Variants in EYS observed in about 807,000 individuals in gnomAD.
EYS encodes the protein EGF-like photoreceptor maintenance factor, also known as protein eyes shut homolog.
In EYS, 250 loss-of-function variants were observed where a neutral mutation model predicts 282.1. The ratio of observed to expected loss-of-function variants is 0.89; its 90% CI spans 0.80 to 0.98. The LOEUF is 0.98. Ranked by LOEUF, EYS falls within the 50% of genes least tolerant of loss-of-function variation. The pLI is 0.00. For synonymous variants in EYS, 1,355 were observed against 1,282.9 expected (o/e 1.06, Z -1.20); for missense variants, 4,016 against 3,709.0 (o/e 1.08, Z -2.15).
intron 22 of EYS, among the ~76,000 whole-genome samples, chr6:64,680,218 T>C (rs1390760326): frequency 1.3e-5 from 2 of 152,184 alleles, no homozygotes; most frequent in Non-Finnish European, 2.9e-5. Flanking sequence ...GGGAACAGAC[T>C]GCCTTAGTAG....
At chr6:64,853,402 T>G (rs1765948721) in intron 19 of EYS, among the ~76,000 whole-genome samples, 1 of 152,136 alleles carries the variant, frequency 6.6e-6, no homozygotes, top group Non-Finnish European at 1.5e-5. Context: ...GGGCTTTCTT[T>G]TTCCATGCAG....
intron 22 of EYS, among the ~76,000 whole-genome samples, chr6:64,654,329 A>G (rs1396600016): frequency 6.6e-6 from 1 of 152,196 alleles, no homozygotes; most frequent in Non-Finnish European, 1.5e-5. Context: ...TCATTCAATA[A>G]TCATTTAAGG....
intron 8 of EYS, among the ~76,000 whole-genome samples, chr6:65,357,018 T>C (rs1216685901): frequency 6.6e-6 from 1 of 151,986 alleles, no homozygotes. Flanking sequence ...ACTTTTTGCA[T>C]AAAACATTTA....
At chr6:63,880,483 GTCTGTATCTATCTATCTATC>G (rs1219021323) in intron 35 of EYS, among the ~76,000 whole-genome samples, 1 of 120,302 alleles carries the variant, frequency 8.3e-6, no homozygotes, top group Admixed American at 8.1e-5. Context: ...CTGTCTGTCT[GTCTGTATCTATCTATCTATC>G]TATCTATCTA....
At chr6:64,620,816 A>G (rs1767422913) in intron 23 of EYS, among the ~76,000 whole-genome samples, 1 of 152,214 alleles carries the variant, frequency 6.6e-6, no homozygotes, top group African/African-American at 2.4e-5. Context: ...TGGTAACTGA[A>G]AACAAAAACC....
chr6:64,436,354 A>G (rs1005702116), intron 27 of EYS, 89 bp from the exon 28 acceptor site: 8 of 685,454 alleles, frequency 1.2e-5, no homozygotes, highest in Non-Finnish European at 1.5e-5. Context: ...ATTTATCAAT[A>G]TATTTTACAT....
intron 31 of EYS, among the ~76,000 whole-genome samples, chr6:64,192,770 A>T (rs573581155): frequency 9.2e-5 from 14 of 152,224 alleles, no homozygotes; most frequent in Non-Finnish European, 1.6e-4. Context: ...TCATTTTTTA[A>T]GTCAGACCCA....
intron 9 of EYS, among the ~76,000 whole-genome samples, chr6:65,351,900 A>T (rs941680674): frequency 4.0e-5 from 6 of 151,834 alleles, no homozygotes; most frequent in African/African-American, 1.4e-4. Flanking sequence ...TCAGGGTTTA[A>T]AAACAACTGA....
chr6:64,630,906 C>CAG (rs1767756739), intron 22 of EYS, among the ~76,000 whole-genome samples: 2 of 152,120 alleles, frequency 1.3e-5, no homozygotes, highest in African/African-American at 4.8e-5. Flanking sequence ...GGAAATTGTG[C>CAG]TACTTATATT....
At position 64,693,707 on chromosome 6, in the gene EYS, T is replaced by A. The variant is rs987890007; in HGVS notation, c.3444-67462A>T. On this transcript the variant is annotated intron_variant, in intron 22 of 42. Coordinates refer to ENST00000503581, the MANE Select transcript of EYS (RefSeq NM_001142800.2). Reference sequence around the variant, plus strand: ...TAAAAATGCCTTCATGTCTTGAGGGTTGGGAACGTTCTTAGGTCACAAATA... The same window carrying A: ...TAAAAATGCCTTCATGTCTTGAGGGATGGGAACGTTCTTAGGTCACAAATA... Among the ~76,000 whole-genome samples the A allele has an allele frequency of 3.9e-5, 6 of 152,058 alleles. No homozygotes were observed. The East Asian group carries it at 1.2e-3, about 29-fold the overall frequency.
chr6:63,789,528 T>C (rs2149671119), intron 37 of EYS, among the ~76,000 whole-genome samples: 1 of 152,300 alleles, frequency 6.6e-6, no homozygotes, highest in East Asian at 1.9e-4. Context: ...AAATTCAGTG[T>C]GCACTTTACA....
intron 8 of EYS, among the ~76,000 whole-genome samples, chr6:65,360,763 T>C (rs7741249): frequency 0.67 from 102,436 of 152,008 alleles, 34,624 homozygotes; most frequent in South Asian, 0.71. Context: ...CACAGTCTAA[T>C]GTGTGTTTAC....
Position 65,432,789 on chromosome 6 carries a change from CACTG to C in EYS, c.863-27426_863-27423del, listed in dbSNP as rs1767934196. On this transcript the variant is annotated intron_variant, in intron 5 of 42. Coordinates refer to ENST00000503581, the MANE Select transcript of EYS (RefSeq NM_001142800.2). ...GTTGGAGGTAAAAGGCAGAAGCTGA[CACTG>C]ACATGGCAGCAATGAAATGGGTGAG... Among the ~76,000 whole-genome samples, 4 of 152,160 alleles carry C rather than the reference CACTG, an allele frequency of 2.6e-5. No individual in the cohort carries two copies. The South Asian group carries it at 8.3e-4, about 32-fold the overall frequency.
At chr6:63,728,609 A>G (rs1768701550) in intron 41 of EYS, among the ~76,000 whole-genome samples, 1 of 152,144 alleles carries the variant, frequency 6.6e-6, no homozygotes, top group Non-Finnish European at 1.5e-5. Context: ...TTTACATAGG[A>G]TTCACTCTTC....
At chr6:64,146,775 G>C (rs778326975) in intron 31 of EYS, among the ~76,000 whole-genome samples, 1 of 152,160 alleles carries the variant, frequency 6.6e-6, no homozygotes, top group Non-Finnish European at 1.5e-5. Context: ...GAGAAAAGTA[G>C]AGAAACATCT....
In EYS at chr6:65,631,637, T is replaced by C. The variant is rs1766916119; in HGVS notation, c.-333+8141A>G. Among the ~76,000 whole-genome samples, 3 of 152,212 alleles carry C rather than the reference T, an allele frequency of 2.0e-5. No homozygotes were observed. In the South Asian group the frequency reaches 6.2e-4, roughly 31 times the overall value. ...ACTCTGATTTACTATAAAAGACTTG[T>C]AATTGATTTTTCTCTTTCATGTTCA... On this transcript the variant is annotated intron_variant, in intron 2 of 42. Coordinates refer to ENST00000503581, the MANE Select transcript of EYS (RefSeq NM_001142800.2).
At chr6:65,123,802 A>C (rs150052142) in intron 12 of EYS, among the ~76,000 whole-genome samples, 1 of 151,156 alleles carries the variant, frequency 6.6e-6, no homozygotes, top group Non-Finnish European at 1.5e-5. Context: ...TTAGTCTCCC[A>C]AAGAGAAAAG....
chr6:63,933,931 C>A (rs1764973211), intron 35 of EYS, among the ~76,000 whole-genome samples: 1 of 152,134 alleles, frequency 6.6e-6, no homozygotes, highest in South Asian at 2.1e-4. Flanking sequence ...AGAGCTTCTG[C>A]ACACCAAAAG....
intron 15 of EYS, among the ~76,000 whole-genome samples, chr6:64,930,858 C>T (rs1009836615): frequency 1.3e-5 from 2 of 152,152 alleles, no homozygotes; most frequent in Non-Finnish European, 2.9e-5. Context: ...AAAACATGCT[C>T]CAGAGTGTGG....
Sources: gnomAD v4.1 joint callset for allele counts (sites outside exome capture counted in the v4.1 genomes callset) on GRCh38, gnomAD v4.1.1 for gene constraint, MANE v1.5 for transcripts, NCBI Gene and HGNC (gene_info 2026-07-23, HGNC 2026-07-21) for gene names.